The following OPCML variants were observed in gnomAD, a reference collection of about 807,000 sequenced individuals.
OPCML encodes opioid binding protein/cell adhesion molecule like.
A neutral mutation model predicts 37.8 loss-of-function variants in OPCML; 13 were observed. The observed-to-expected ratio is 0.34, with a 90% confidence interval of 0.22 to 0.55. The LOEUF (loss-of-function observed/expected upper bound fraction) is 0.55. Among genes scored for constraint, OPCML ranks in the 20% least tolerant of loss-of-function variants. The probability of loss-of-function intolerance (pLI) is 0.91; values close to 1 mark genes in which losing one functional copy is unlikely to be tolerated. For missense variants in OPCML, 341 were observed against 435.6 expected, an observed-to-expected ratio of 0.78 and a Z score of 1.93; for synonymous variants, 176 against 168.8, an observed-to-expected ratio of 1.04 and a Z score of -0.33.
intron 1 of OPCML, among the ~76,000 whole-genome samples, chr11:133,236,366 A>C (rs994323809): frequency 7.2e-5 from 11 of 152,172 alleles, no homozygotes; most frequent in African/African-American, 2.7e-4. Flanking sequence ...TTAAACTTAT[A>C]AATTGTTTAT....
intron 1 of OPCML, among the ~76,000 whole-genome samples, chr11:133,398,359 G>C (rs116219774): frequency 4.7e-4 from 72 of 152,266 alleles, no homozygotes; most frequent in African/African-American, 1.7e-3. Flanking sequence ...GCTCAGGACA[G>C]AGCCATCTCT....
chr11:133,439,762 C>T lies in OPCML; in HGVS notation c.61+92502G>A, dbSNP rs191691196. On this transcript the variant is annotated intron_variant, in intron 1 of 7. Transcript: ENST00000524381. Reference sequence around the variant, plus strand: ...GATTGCAGGTGTGAGCCACCGAGCCCGGCCCAACCTAAGTCTTATAATAAA... The same window carrying T: ...GATTGCAGGTGTGAGCCACCGAGCCTGGCCCAACCTAAGTCTTATAATAAA... 2.0e-3 allele frequency among the ~76,000 whole-genome samples: 300 copies of T among 152,162 alleles called. 1 individual carries two copies. The highest frequency in any genetic ancestry group is 7.0e-3 in the African/African-American group (292 of 41,536).
At chr11:132,549,593 C>A (rs1393978574) in intron 3 of OPCML, among the ~76,000 whole-genome samples, 1 of 152,102 alleles carries the variant, frequency 6.6e-6, no homozygotes, top group Non-Finnish European at 1.5e-5. Context: ...TGAAAAGCAG[C>A]CCCAAATCAT....
intron 4 of OPCML, among the ~76,000 whole-genome samples, chr11:132,519,385 C>G (rs1008289719): frequency 3.3e-5 from 5 of 152,028 alleles, no homozygotes; most frequent in African/African-American, 4.8e-5. Flanking sequence ...GAAGGCATCC[C>G]TCTGCTAGGA....
intron 1 of OPCML, among the ~76,000 whole-genome samples, chr11:133,165,998 G>A (rs757410520): frequency 3.3e-5 from 5 of 152,150 alleles, no homozygotes; most frequent in Admixed American, 6.5e-5. Flanking sequence ...AAGACTTAGC[G>A]AATGCCTATT....
intron 4 of OPCML, among the ~76,000 whole-genome samples, chr11:132,451,091 G>T (rs543323860): frequency 6.6e-6 from 1 of 152,192 alleles, no homozygotes; most frequent in East Asian, 1.9e-4. Flanking sequence ...CCCTAAAGAG[G>T]CTTGAGCTTA....
At chr11:133,161,182 G>A (rs1025047003) in intron 1 of OPCML, among the ~76,000 whole-genome samples, 32 of 152,340 alleles carry the variant, frequency 2.1e-4, no homozygotes, top group African/African-American at 6.7e-4. Context: ...GGACTGAGGG[G>A]AAGTTGGAGG....
At chr11:132,895,692 A>G (rs536302138) in intron 2 of OPCML, among the ~76,000 whole-genome samples, 2 of 152,300 alleles carry the variant, frequency 1.3e-5, no homozygotes, top group South Asian at 4.1e-4. Context: ...ACAATAGTAT[A>G]GGGTTTTCCA....
At position 132,884,407 on chromosome 11, in the gene OPCML, C is replaced by T. The variant is rs147977257; in HGVS notation, c.146+58519G>A. On this transcript the variant is annotated intron_variant, in intron 2 of 7. Coordinates refer to ENST00000524381, the MANE Select transcript of OPCML (RefSeq NM_001012393.5). ...TGGTGGATAGAAGTGTGTTGGTTGC[C>T]GTAGAGAGAACCTGTCAAAGAAATC... Among the ~76,000 whole-genome samples, 1,322 of 152,036 alleles carry T rather than the reference C, an allele frequency of 8.7e-3. 7 individuals are homozygous for T. The highest frequency in any genetic ancestry group is 0.013 in the Non-Finnish European group (891 of 67,996).
At chr11:133,015,407 G>T (rs372574078) in intron 1 of OPCML, among the ~76,000 whole-genome samples, 483 of 107,018 alleles carry the variant, frequency 4.5e-3, no homozygotes, top group African/African-American at 7.9e-3. Context: ...AAGGAAGGAA[G>T]GAAGGAAGGA....
At chr11:132,533,622 G>C (rs1394925767) in intron 3 of OPCML, among the ~76,000 whole-genome samples, 1 of 152,166 alleles carries the variant, frequency 6.6e-6, no homozygotes, top group Non-Finnish European at 1.5e-5. Context: ...TTTGCAGTCT[G>C]TCCAAAACAT....
chr11:133,208,750 T>A lies in OPCML; in HGVS notation c.62-265740A>T, dbSNP rs1939225578. 6.6e-6 allele frequency among the ~76,000 whole-genome samples: 1 copy of A among 152,182 alleles called. No homozygotes were observed. The highest frequency in any genetic ancestry group is 6.5e-5 in the Admixed American group (1 of 15,284). The stretch of plus-strand genomic sequence containing the variant: ...TGCTGTAAGACTGAAGCACACGTTA[T>A]CTAAAGCAATGGCCCTTCTCTAGGA... On this transcript the variant is annotated intron_variant, in intron 1 of 7. Transcript: ENST00000524381. The surrounding 1 kb of genome is among the most constrained non-coding windows in gnomAD (Gnocchi z 8.9).
At chr11:132,483,517 G>A (rs888008240) in intron 4 of OPCML, among the ~76,000 whole-genome samples, 172 of 152,054 alleles carry the variant, frequency 1.1e-3, no homozygotes, top group South Asian at 0.011. Context: ...ATTCAATGCC[G>A]TCCCCATCAA....
intron 2 of OPCML, among the ~76,000 whole-genome samples, chr11:132,941,276 G>A (rs1455126384): frequency 1.3e-5 from 2 of 152,124 alleles, no homozygotes; most frequent in African/African-American, 4.8e-5. Context: ...AAAGCAGAAA[G>A]CTCAAGTTTT....
At chr11:133,463,459 T>C (rs1334759298) in intron 1 of OPCML, among the ~76,000 whole-genome samples, 2 of 152,190 alleles carry the variant, frequency 1.3e-5, no homozygotes, top group East Asian at 3.8e-4. Context: ...AATAACAACA[T>C]TATTTTAAGG....
chr11:132,705,524 C>T (rs1943998090), intron 2 of OPCML, among the ~76,000 whole-genome samples: 1 of 152,004 alleles, frequency 6.6e-6, no homozygotes, highest in Non-Finnish European at 1.5e-5. Flanking sequence ...GCCCAGGAGG[C>T]AGAGGGTGCA....
At chr11:133,416,939 G>C (rs1945781908) in intron 1 of OPCML, among the ~76,000 whole-genome samples, 1 of 152,092 alleles carries the variant, frequency 6.6e-6, no homozygotes, top group African/African-American at 2.4e-5. Context: ...CCAAGCTCCA[G>C]GAAAAGGTGG....
intron 3 of OPCML, among the ~76,000 whole-genome samples, chr11:132,565,192 T>C (rs1304084107): frequency 1.3e-5 from 2 of 152,202 alleles, no homozygotes; most frequent in Non-Finnish European, 2.9e-5. Flanking sequence ...CTAGGTTATC[T>C]TCTCCTTTAC....
Position 133,419,203 on chromosome 11 carries a change from G to A in OPCML, c.61+113061C>T, listed in dbSNP as rs117684020. ...AGTAAGTTGGCTTTTTCTGTGCAAC[G>A]GGCCAGGAGACCCTGTGAGGTAATT... is the stretch of plus-strand genomic sequence containing the variant. On this transcript the variant is annotated intron_variant, in intron 1 of 7. Coordinates refer to ENST00000524381, the MANE Select transcript of OPCML (RefSeq NM_001012393.5). The A allele has an allele frequency of 8.0e-4, 787 of 980,170 alleles. 20 individuals are homozygous for A. In the East Asian group the frequency reaches 0.049, roughly 61 times the overall value. 60.7% of individuals were successfully genotyped at this position (980,170 alleles called of 1,614,324 possible). A position where few individuals can be genotyped will look rare whatever the true frequency, so the allele number is the denominator to read the frequency against.
Sources: allele counts gnomAD v4.1 joint callset (sites outside exome capture counted in the v4.1 genomes callset), GRCh38; gene constraint gnomAD v4.1.1; non-coding constraint Gnocchi (gnomAD v3.1); transcripts MANE v1.5; gene names NCBI Gene and HGNC (gene_info 2026-07-23, HGNC 2026-07-21).